CAMK2A: variants seen among roughly 807,000 people sequenced by gnomAD.
CAMK2A encodes calcium/calmodulin dependent protein kinase II alpha, also known as calcium/calmodulin-dependent protein kinase type II subunit alpha.
CAMK2A carries 7 observed loss-of-function variants against 79.2 expected under a neutral mutation model. The ratio of observed to expected loss-of-function variants is 0.09; its 90% CI spans 0.05 to 0.17. The LOEUF is 0.17. Among genes scored for constraint, CAMK2A ranks in the 10% least tolerant of loss-of-function variants. CAMK2A has a pLI of 1.00. For missense variants in CAMK2A, 214 were observed against 646.4 expected (o/e 0.33, Z 7.25); for synonymous variants, 242 against 251.7 (o/e 0.96, Z 0.36).
At position 150,219,832 on chromosome 5, in the gene CAMK2A, C is replaced by A. The variant is rs900210921; in HGVS notation, c.*2878G>T. 6.6e-6 allele frequency: 1 copy of A among 151,140 alleles called. No individual in the cohort carries two copies. Among genetic ancestry groups the A allele is most frequent in the Admixed American group, 6.6e-5 (1 of 15,086 alleles). The allele number at this position is 151,140 out of a possible 1,614,324, so 9.4% of individuals were successfully genotyped here. The stretch of plus-strand genomic sequence containing the variant: ...CTGTAAACGTGTTTTCATGCTGGAG[C>A]CAAGGTTTTGACTTGGGTTTGGATT... On this transcript the variant is annotated 3_prime_UTR_variant, in exon 19 of 19. Coordinates refer to ENST00000671881, the MANE Select transcript of CAMK2A (RefSeq NM_015981.4).
chr5:150,256,846 AT>A lies in CAMK2A; in HGVS notation c.273-16del. 1.7e-5 allele frequency: 27 copies of A among 1,611,226 alleles called. No homozygotes were observed. Among genetic ancestry groups the A allele is most frequent in the Non-Finnish European group, 2.3e-5 (27 of 1,177,672 alleles). ...CACCAGTGACCCTGGGGAGACAGGC[AT>A]GGAATCACCCTCTAATAGAGGCGAC... On this transcript the variant is annotated splice_polypyrimidine_tract_variant and intron_variant, in intron 4 of 18. Transcript: ENST00000671881. The surrounding 1 kb of genome is among the most constrained non-coding windows in gnomAD (Gnocchi z 4.6).
chr5:150,288,400 T>G (rs1757520738), intron 1 of CAMK2A, among the ~76,000 whole-genome samples: 4 of 152,162 alleles, frequency 2.6e-5, no homozygotes, highest in Admixed American at 2.6e-4. Flanking sequence ...ACTTGCATTT[T>G]CAGGCCTTAC....
intron 16 of CAMK2A, among the ~76,000 whole-genome samples, chr5:150,230,409 G>A (rs1549913): frequency 0.45 from 68,174 of 151,330 alleles, 17,685 homozygotes; most frequent in East Asian, 0.62. Context: ...TGGGCACATT[G>A]GAAATCAGGA....
chr5:150,246,617 A>G (rs1027357198), intron 12 of CAMK2A, among the ~76,000 whole-genome samples: 2 of 152,186 alleles, frequency 1.3e-5, no homozygotes, highest in African/African-American at 4.8e-5. Context: ...AGAGTTCTTT[A>G]GGGTGCTTCA....
In CAMK2A at chr5:150,247,758, G is replaced by T. The variant is rs752275054; in HGVS notation, c.943+14C>A. 3.1e-6 allele frequency: 5 copies of T among 1,607,592 alleles called. No individual in the cohort carries two copies. The highest frequency in any genetic ancestry group is 2.2e-5 in the South Asian group (2 of 89,360). ...TGCAGGGCTTACTGGGGACCCTGAGGTCCTGCCACCTACCGGAGAAGTTCC... is the reference window on the plus strand; with the variant it reads ...TGCAGGGCTTACTGGGGACCCTGAGTTCCTGCCACCTACCGGAGAAGTTCC... On this transcript the variant is annotated intron_variant, in intron 12 of 18. Coordinates refer to ENST00000671881, the MANE Select transcript of CAMK2A (RefSeq NM_015981.4).
chr5:150,230,376 C>T (rs1754791338), intron 16 of CAMK2A, among the ~76,000 whole-genome samples: 1 of 150,728 alleles, frequency 6.6e-6, no homozygotes, highest in African/African-American at 2.4e-5. Context: ...TCTGCCAAGC[C>T]TTTGAGAGGC....
intron 9 of CAMK2A, among the ~76,000 whole-genome samples, chr5:150,251,083 T>C (rs1370967390): frequency 1.3e-5 from 2 of 152,250 alleles, no homozygotes; most frequent in Non-Finnish European, 2.9e-5. Flanking sequence ...TAGCCCAGAC[T>C]TCAGAATCAA....
intron 12 of CAMK2A, among the ~76,000 whole-genome samples, chr5:150,246,992 A>C (rs1755599273): frequency 6.6e-6 from 1 of 152,218 alleles, no homozygotes; most frequent in South Asian, 2.1e-4. Context: ...CGCTCCCCAG[A>C]AGGAAGCCTC....
intron 3 of CAMK2A, among the ~76,000 whole-genome samples, chr5:150,264,531 G>A (rs757353400): frequency 2.0e-5 from 3 of 152,178 alleles, no homozygotes; most frequent in Non-Finnish European, 4.4e-5. Context: ...GCCAGGGCCT[G>A]AGTTGGAGCT....
At chr5:150,240,463 CT>C (rs1196180330) in intron 13 of CAMK2A, among the ~76,000 whole-genome samples, 2 of 152,196 alleles carry the variant, frequency 1.3e-5, no homozygotes, top group African/African-American at 4.8e-5. Context: ...AGAAGTGGAG[CT>C]GAGTCTAGAA....
At position 150,219,958 on chromosome 5, in the gene CAMK2A, T is replaced by C. The variant is rs1754225026; in HGVS notation, c.*2752A>G. The C allele has an allele frequency of 6.6e-6, 1 of 152,626 alleles. No homozygotes were observed. Among genetic ancestry groups the C allele is most frequent in the Admixed American group, 6.5e-5 (1 of 15,280 alleles). 9.5% of individuals were successfully genotyped at this position (152,626 alleles called of 1,614,324 possible). On this transcript the variant is annotated 3_prime_UTR_variant, in exon 19 of 19. Coordinates refer to ENST00000671881, the MANE Select transcript of CAMK2A (RefSeq NM_015981.4). ...CTGGTGAGGGTAGGCTCTGGGCAGA[T>C]TTTTCTGTGAGTCTCCCCTGCCTGC...
At chr5:150,287,497 T>C (rs1479400039) in intron 1 of CAMK2A, among the ~76,000 whole-genome samples, 2 of 152,236 alleles carry the variant, frequency 1.3e-5, no homozygotes, top group African/African-American at 2.4e-5. Flanking sequence ...CCTGAAATTC[T>C]CTGTGAAGGC....
intron 1 of CAMK2A, among the ~76,000 whole-genome samples, chr5:150,278,585 T>C (rs1353998191): frequency 6.6e-6 from 1 of 150,618 alleles, no homozygotes; most frequent in Non-Finnish European, 1.5e-5. Flanking sequence ...AGGGCAAGGG[T>C]GGGAAGCGAT....
intron 6 of CAMK2A, among the ~76,000 whole-genome samples, chr5:150,255,681 A>G (rs1293464762): frequency 6.6e-6 from 1 of 152,230 alleles, no homozygotes; most frequent in Non-Finnish European, 1.5e-5. Context: ...ACTGAAGAAC[A>G]AAAAGCAGAG....
intron 14 of CAMK2A, among the ~76,000 whole-genome samples, chr5:150,239,057 G>A (rs1265970399): frequency 1.3e-5 from 2 of 152,198 alleles, no homozygotes; most frequent in Non-Finnish European, 2.9e-5. Flanking sequence ...GAGGAGCAGA[G>A]AGACACCATG....
intron 2 of CAMK2A, among the ~76,000 whole-genome samples, chr5:150,267,278 C>G (rs993522645): frequency 1.3e-5 from 2 of 152,216 alleles, no homozygotes; most frequent in African/African-American, 4.8e-5. Flanking sequence ...CCCTACCCCC[C>G]ATCCCACCTC....
intron 1 of CAMK2A, among the ~76,000 whole-genome samples, chr5:150,279,782 A>G (rs962985889): frequency 1.3e-5 from 2 of 152,234 alleles, no homozygotes; most frequent in African/African-American, 4.8e-5. Context: ...GAGAGGGCAC[A>G]GTGACAGTGG....
chr5:150,229,872 C>A (rs377271503), intron 16 of CAMK2A, among the ~76,000 whole-genome samples: 1 of 152,238 alleles, frequency 6.6e-6, no homozygotes, highest in Non-Finnish European at 1.5e-5. Flanking sequence ...AACGTGCACA[C>A]ATGTGTACAA....
In CAMK2A at chr5:150,244,415, G is replaced by T. The variant is rs1755471038; in HGVS notation, c.984+746C>A. Among the ~76,000 whole-genome samples, 7 of 152,258 alleles carry T rather than the reference G, an allele frequency of 4.6e-5. No homozygotes were observed. The South Asian group carries it at 1.4e-3, about 31-fold the overall frequency. ...ATCCCAGCCCTGGGGCCCTCGCCAG[G>T]CAGGGCTCTGAGCCCAGAAAAAGGC... On this transcript the variant is annotated intron_variant, in intron 13 of 18. Transcript: ENST00000671881.
Sources: allele counts gnomAD v4.1 joint callset (sites outside exome capture counted in the v4.1 genomes callset), GRCh38; gene constraint gnomAD v4.1.1; non-coding constraint Gnocchi (gnomAD v3.1); transcripts MANE v1.5; gene names NCBI Gene and HGNC (gene_info 2026-07-23, HGNC 2026-07-21).